The following MTRF1 variants were observed in gnomAD, a reference collection of about 807,000 sequenced individuals.
MTRF1 encodes the protein mitochondrial translation release factor 1, also known as peptide chain release factor 1, mitochondrial.
A neutral mutation model predicts 62.9 loss-of-function variants in MTRF1; 51 were observed. The observed-to-expected ratio is 0.81, with a 90% CI of 0.65 to 1.02. MTRF1 has a LOEUF of 1.02. MTRF1 is among the 50% of genes least tolerant of loss of function. The pLI is 0.00. For missense variants in MTRF1, 446 were observed against 530.0 expected, an observed-to-expected ratio of 0.84 and a Z score of 1.56; for synonymous variants, 158 against 181.9, an observed-to-expected ratio of 0.87 and a Z score of 1.06.
intron 7 of MTRF1, among the ~76,000 whole-genome samples, chr13:41,230,814 C>G (rs2035414985): frequency 6.6e-6 from 1 of 151,902 alleles, no homozygotes; most frequent in African/African-American, 2.4e-5. Context: ...CCTCTGCTTC[C>G]TGGGTTCAAC....
the MTRF1 span, among the ~76,000 whole-genome samples, chr13:41,298,389 ACG>A: frequency 6.6e-6 from 1 of 151,294 alleles, no homozygotes; most frequent in South Asian, 2.1e-4. Flanking sequence ...TAGCACTATT[ACG>A]AAGTTACACT....
chr13:41,289,010 A>T, the MTRF1 span, among the ~76,000 whole-genome samples: 1 of 152,278 alleles, frequency 6.6e-6, no homozygotes, highest in East Asian at 1.9e-4. Context: ...ACCCTCTTAC[A>T]ACTACACAAG....
At chr13:41,280,706 G>A in the MTRF1 span, among the ~76,000 whole-genome samples, 1 of 152,150 alleles carries the variant, frequency 6.6e-6, no homozygotes, top group African/African-American at 2.4e-5. Flanking sequence ...TGAGGGCTGT[G>A]TTACACGCCA....
the MTRF1 span, among the ~76,000 whole-genome samples, chr13:41,275,921 T>C: frequency 6.6e-6 from 1 of 152,008 alleles, no homozygotes; most frequent in East Asian, 1.9e-4. Flanking sequence ...GGGAAAAGGG[T>C]TAAAAGATGA....
the MTRF1 span, among the ~76,000 whole-genome samples, chr13:41,299,733 A>G: frequency 6.6e-6 from 1 of 151,518 alleles, no homozygotes; most frequent in Non-Finnish European, 1.5e-5. Flanking sequence ...AGTTTTAAAG[A>G]CTTTTTTTTT....
At chr13:41,240,993 C>T (rs1175000893) in intron 5 of MTRF1, among the ~76,000 whole-genome samples, 1 of 152,202 alleles carries the variant, frequency 6.6e-6, no homozygotes, top group Non-Finnish European at 1.5e-5. Flanking sequence ...TCTTGCTTAT[C>T]TATGGAGTGG....
chr13:41,309,061 CT>C, the MTRF1 span, among the ~76,000 whole-genome samples: 120 of 152,264 alleles, frequency 7.9e-4, 1 homozygote, highest in African/African-American at 2.9e-3. Flanking sequence ...TGGTCTCATT[CT>C]TTTTTGTGGC....
the MTRF1 span, among the ~76,000 whole-genome samples, chr13:41,272,989 G>A: frequency 6.6e-6 from 1 of 152,134 alleles, no homozygotes; most frequent in Non-Finnish European, 1.5e-5. Flanking sequence ...CATAAAATTA[G>A]CTCATGCTGT....
At position 41,233,874 on chromosome 13, in the gene MTRF1, C is replaced by T; in HGVS notation, c.988+16G>A. The T allele has an allele frequency of 1.9e-6, 3 of 1,586,038 alleles. No individual in the cohort carries two copies. Among genetic ancestry groups the T allele is most frequent in the Non-Finnish European group, 2.6e-6 (3 of 1,154,496 alleles). On this transcript the variant is annotated intron_variant, in intron 7 of 9. Transcript: ENST00000379480. ...GGAAAAAGGGTTAAAAGTACAAAGC[C>T]AAGGGGCTTGCTTACCTGTGGGGAT...
the MTRF1 span, among the ~76,000 whole-genome samples, chr13:41,283,585 C>CTTTTTTTTTTTTT: frequency 4.8e-5 from 4 of 83,566 alleles, no homozygotes; most frequent in East Asian, 4.2e-4. Flanking sequence ...CTCTGACAAT[C>CTTTTTTTTTTTTT]TTTTTTTTTT....
At chr13:41,241,837 T>G (rs576298910) in intron 5 of MTRF1, among the ~76,000 whole-genome samples, 47 of 152,326 alleles carry the variant, frequency 3.1e-4, no homozygotes, top group Non-Finnish European at 5.4e-4. Flanking sequence ...ATGCAGACAC[T>G]GGATCAGACA....
chr13:41,278,572 C>T, the MTRF1 span, among the ~76,000 whole-genome samples: 1 of 152,184 alleles, frequency 6.6e-6, no homozygotes, highest in African/African-American at 2.4e-5. Flanking sequence ...TGCCTCCAAA[C>T]CCTGCCTCAC....
chr13:41,257,488 A>G (rs1048308553), intron 2 of MTRF1, among the ~76,000 whole-genome samples: 2 of 152,238 alleles, frequency 1.3e-5, no homozygotes, highest in Admixed American at 6.5e-5. Flanking sequence ...GAGGCTTTGG[A>G]ATCTCATTGC....
the MTRF1 span, among the ~76,000 whole-genome samples, chr13:41,300,448 T>C: frequency 6.6e-6 from 1 of 151,880 alleles, no homozygotes; most frequent in Non-Finnish European, 1.5e-5. Context: ...TAGCCAGGCA[T>C]GGTGGTGGGC....
chr13:41,294,282 G>C, the MTRF1 span, among the ~76,000 whole-genome samples: 1 of 152,102 alleles, frequency 6.6e-6, no homozygotes, highest in East Asian at 1.9e-4. Context: ...GCTGGGCGTG[G>C]TGGTACGTGC....
Position 41,248,728 on chromosome 13 carries a change from T to A in MTRF1, c.697+3917A>T, listed in dbSNP as rs1046634175. 2.0e-5 allele frequency among the ~76,000 whole-genome samples: 3 copies of A among 152,194 alleles called. No homozygotes were observed. In the South Asian group the frequency reaches 6.2e-4, roughly 32 times the overall value. ...TTACCGTAAGTCACCCCACCCCAAA[T>A]TAACTCGTGAGTAGAGAATAACAAA... On this transcript the variant is annotated intron_variant, in intron 5 of 9. Transcript: ENST00000379480.
At chr13:41,226,690 G>GT in intron 7 of MTRF1, 122 bp from the exon 8 acceptor site, 1 of 1,137,336 alleles carries the variant, frequency 8.8e-7, no homozygotes. Context: ...AACATTTTAG[G>GT]TTTAGCACAC....
At chr13:41,303,015 C>T in the MTRF1 span, among the ~76,000 whole-genome samples, 20 of 152,098 alleles carry the variant, frequency 1.3e-4, no homozygotes, top group African/African-American at 4.8e-4. Context: ...GGAATACATA[C>T]ATTCTAGCTA....
At chr13:41,228,637 TAA>T (rs140527229) in intron 7 of MTRF1, among the ~76,000 whole-genome samples, 92,383 of 151,836 alleles carry the variant, frequency 0.61, 28,584 homozygotes, top group Admixed American at 0.65. Flanking sequence ...GGTAATAAAC[TAA>T]AAAAAGCCCA....
Sources: gnomAD v4.1 joint callset for allele counts (sites outside exome capture counted in the v4.1 genomes callset) on GRCh38, gnomAD v4.1.1 for gene constraint, MANE v1.5 for transcripts, NCBI Gene and HGNC (gene_info 2026-07-23, HGNC 2026-07-21) for gene names.